The following SEM1 variants were observed in gnomAD, a reference collection of about 807,000 sequenced individuals.
SEM1 encodes SEM1 26S proteasome subunit, also known as 26S proteasome complex subunit SEM1.
SEM1 carries 3 observed loss-of-function variants against 12.7 expected under a neutral mutation model. That is an observed-to-expected ratio of 0.24 (90% CI 0.11 to 0.61). The LOEUF (loss-of-function observed/expected upper bound fraction) is 0.61. Ranked by LOEUF, SEM1 falls within the 20% of genes least tolerant of loss-of-function variation. SEM1 has a pLI of 0.88. For missense variants in SEM1, 59 were observed against 81.3 expected (o/e 0.73, Z 1.06); for synonymous variants, 30 against 27.8 (o/e 1.08, Z -0.25).
chr7:96,585,112 G>C (rs1216554199), intron 2 of SEM1, among the ~76,000 whole-genome samples: 2 of 152,058 alleles, frequency 1.3e-5, no homozygotes, highest in African/African-American at 2.4e-5. Flanking sequence ...TCTACTTTTG[G>C]TCTTTGATGA....
intron 2 of SEM1, among the ~76,000 whole-genome samples, chr7:96,485,328 T>C (rs956964411): frequency 6.6e-6 from 1 of 152,060 alleles, no homozygotes; most frequent in African/African-American, 2.4e-5. Context: ...AAAACATGGA[T>C]GTTAGCAGGA....
intron 1 of SEM1, among the ~76,000 whole-genome samples, chr7:96,698,932 T>A (rs985743383): frequency 1.3e-5 from 2 of 152,208 alleles, no homozygotes; most frequent in South Asian, 2.1e-4. Context: ...CATAAATTTT[T>A]AAAAATGTAT....
chr7:96,513,897 A>C (rs1449947764), intron 2 of SEM1, among the ~76,000 whole-genome samples: 1 of 152,108 alleles, frequency 6.6e-6, no homozygotes, highest in African/African-American at 2.4e-5. Context: ...TTACTATAGT[A>C]ATATTACAAT....
intron 1 of SEM1, among the ~76,000 whole-genome samples, chr7:96,491,451 C>T (rs1053419794): frequency 6.6e-6 from 1 of 152,172 alleles, no homozygotes; most frequent in East Asian, 1.9e-4. Flanking sequence ...TCTGAGCAAA[C>T]GTCAGCTTTC....
intron 3 of SEM1, among the ~76,000 whole-genome samples, chr7:96,503,786 G>A (rs1803654334): frequency 6.6e-6 from 1 of 152,124 alleles, no homozygotes; most frequent in Admixed American, 6.6e-5. Context: ...CGTTACAGCT[G>A]CATGAGCTCT....
At chr7:96,696,582 GC>G (rs574548839) in intron 1 of SEM1, 214 of 151,926 alleles carry the variant, frequency 1.4e-3, no homozygotes, top group African/African-American at 3.7e-3. Flanking sequence ...ATTAATATGA[GC>G]ACTGTTAAGA....
intron 2 of SEM1, among the ~76,000 whole-genome samples, chr7:96,567,277 C>T (rs1478564265): frequency 6.6e-6 from 1 of 151,442 alleles, no homozygotes; most frequent in African/African-American, 2.4e-5. Flanking sequence ...ATGTCTTGAA[C>T]ATTTCTTAAA....
At chr7:96,697,469 C>T (rs1251694753) in intron 1 of SEM1, 1 of 152,052 alleles carries the variant, frequency 6.6e-6, no homozygotes, top group Non-Finnish European at 1.5e-5. Flanking sequence ...CTGCAACATA[C>T]ATTTCCAAAT....
chr7:96,593,449 T>A (rs1378251387), intron 2 of SEM1, among the ~76,000 whole-genome samples: 1 of 152,194 alleles, frequency 6.6e-6, no homozygotes, highest in Non-Finnish European at 1.5e-5. Context: ...ACATTTCTCT[T>A]ACAGCCACCT....
chr7:96,580,126 C>A (rs550209375), intron 2 of SEM1, among the ~76,000 whole-genome samples: 4 of 126,508 alleles, frequency 3.2e-5, no homozygotes, highest in Admixed American at 8.5e-5. Context: ...CCCCTCCCCC[C>A]ACCCCACAAC....
intron 2 of SEM1, among the ~76,000 whole-genome samples, chr7:96,556,257 C>G (rs1202193944): frequency 2.0e-5 from 3 of 150,910 alleles, no homozygotes; most frequent in Admixed American, 2.0e-4. Flanking sequence ...TTATTTTGCT[C>G]GTTAGTTGAT....
At chr7:96,615,798 C>T (rs1391357993) in intron 2 of SEM1, among the ~76,000 whole-genome samples, 1 of 152,134 alleles carries the variant, frequency 6.6e-6, no homozygotes, top group Non-Finnish European at 1.5e-5. Context: ...TGCTGTATGC[C>T]TTTGTGTACA....
At chr7:96,548,218 C>T (rs886974534) in intron 2 of SEM1, among the ~76,000 whole-genome samples, 10 of 152,094 alleles carry the variant, frequency 6.6e-5, no homozygotes, top group African/African-American at 2.4e-4. Flanking sequence ...CCATGATTTT[C>T]GATTCTTAAT....
At chr7:96,553,911 A>G (rs934731411) in intron 2 of SEM1, among the ~76,000 whole-genome samples, 4 of 152,216 alleles carry the variant, frequency 2.6e-5, no homozygotes, top group Admixed American at 2.0e-4. Context: ...GGTCCTTCAC[A>G]TCCCTTGTAA....
chr7:96,615,813 G>A (rs1807700361), intron 2 of SEM1, among the ~76,000 whole-genome samples: 1 of 152,122 alleles, frequency 6.6e-6, no homozygotes, highest in Non-Finnish European at 1.5e-5. Context: ...TGTACACATT[G>A]TTTAGCTCCC....
At chr7:96,507,655 T>G (rs555789192) in intron 2 of SEM1, among the ~76,000 whole-genome samples, 1 of 152,212 alleles carries the variant, frequency 6.6e-6, no homozygotes, top group African/African-American at 2.4e-5. Context: ...TAATTGTGGA[T>G]TTACCTTCTT....
At chr7:96,688,996 G>T (rs1020762566) in intron 2 of SEM1, 30 bp from the exon 3 acceptor site, 3 of 1,362,106 alleles carry the variant, frequency 2.2e-6, no homozygotes, top group African/African-American at 1.4e-5. Flanking sequence ...ACATCACTAG[G>T]TATTCTTTAT....
chr7:96,707,353 A>G (rs139692334), intron 1 of SEM1, among the ~76,000 whole-genome samples: 16 of 152,362 alleles, frequency 1.1e-4, no homozygotes, highest in Admixed American at 1.0e-3. Flanking sequence ...AACTTTCATG[A>G]GTAAATATTG....
At chr7:96,597,849 CGT>C (rs2116172507) in intron 2 of SEM1, among the ~76,000 whole-genome samples, 1 of 152,144 alleles carries the variant, frequency 6.6e-6, no homozygotes, top group South Asian at 2.1e-4. Context: ...TTATTGGTTT[CGT>C]GTGTGTTTTT....
Sources: gnomAD v4.1 joint callset for allele counts (sites outside exome capture counted in the v4.1 genomes callset) on GRCh38, gnomAD v4.1.1 for gene constraint, MANE v1.5 for transcripts, NCBI Gene and HGNC (gene_info 2026-07-23, HGNC 2026-07-21) for gene names.